The following ROR1 variants were observed in gnomAD, a reference collection of about 807,000 sequenced individuals.
ROR1 encodes the protein inactive tyrosine-protein kinase transmembrane receptor ROR1.
In ROR1, 19 loss-of-function variants were observed where a neutral mutation model predicts 78.8. The ratio of observed to expected loss-of-function variants is 0.24; its 90% CI spans 0.17 to 0.35. ROR1 has a LOEUF of 0.35. Ranked by LOEUF, ROR1 falls within the 10% of genes least tolerant of loss-of-function variation. The pLI is 1.00. For missense variants in ROR1, 917 were observed against 1,177.8 expected (o/e 0.78, Z 3.24); for synonymous variants, 386 against 433.6 (o/e 0.89, Z 1.36).
intron 1 of ROR1, among the ~76,000 whole-genome samples, chr1:63,858,297 T>A (rs1480730160): frequency 1.3e-5 from 2 of 152,220 alleles, no homozygotes; most frequent in African/African-American, 4.8e-5. Flanking sequence ...TCCTGTTGTT[T>A]AAAGACATCT....
At chr1:64,081,757 C>T (rs834348) in intron 4 of ROR1, among the ~76,000 whole-genome samples, 21,732 of 109,630 alleles carry the variant, frequency 0.2, 1,780 homozygotes, top group African/African-American at 0.27. Context: ...GGTGACAGCG[C>T]GAGACACTGT....
At chr1:64,049,614 A>G in intron 2 of ROR1, 77 bp from the exon 3 acceptor site, 1 of 1,296,184 alleles carries the variant, frequency 7.7e-7, no homozygotes, top group Non-Finnish European at 1.1e-6. Context: ...CCAAGGGTAC[A>G]CTGGAGGGGA....
At chr1:64,006,050 T>A (rs1173044659) in intron 1 of ROR1, among the ~76,000 whole-genome samples, 1 of 152,200 alleles carries the variant, frequency 6.6e-6, no homozygotes, top group Non-Finnish European at 1.5e-5. Flanking sequence ...GTGCCAAGAA[T>A]CTATTCATTT....
At chr1:64,008,232 T>C (rs1338781202) in intron 1 of ROR1, among the ~76,000 whole-genome samples, 1 of 152,226 alleles carries the variant, frequency 6.6e-6, no homozygotes, top group East Asian at 1.9e-4. Context: ...TTTCTGCTTC[T>C]CTGTTAATTC....
chr1:63,856,977 T>A (rs961920892), intron 1 of ROR1, among the ~76,000 whole-genome samples: 15 of 152,132 alleles, frequency 9.9e-5, no homozygotes, highest in African/African-American at 3.4e-4. Flanking sequence ...TTTTACCCTC[T>A]CTTTTCTCGT....
Position 63,774,457 on chromosome 1 carries a change from C to T in ROR1, c.40C>T (p.Leu14=). 8.5e-7 allele frequency: 1 copy of T among 1,171,368 alleles called. No homozygotes were observed. The highest frequency in any genetic ancestry group is 1.0e-6 in the Non-Finnish European group (1 of 954,034). 72.6% of individuals were successfully genotyped at this position (1,171,368 alleles called of 1,614,324 possible). ...PRRRGTRPPL[L]ALLAALLLAA... ...CCGCCGCGGGACGCGCCCGCCGCTC[C>T]TGGCGCTGCTGGCCGCGCTGCTGCT... Residue 14 remains leucine (L), a synonymous_variant, in exon 1 of 9, where the codon CTG becomes TTG. Transcript: ENST00000371079. The surrounding 1 kb of genome is among the most constrained non-coding windows in gnomAD (Gnocchi z 5.7).
At position 64,049,810 on chromosome 1, in the gene ROR1, G is replaced by T. The variant is rs1176909800; in HGVS notation, c.283G>T (p.Asp95Tyr). ...TCCCACCATCCGCTGGTTCAAAAAT[G>T]ATGCTCCTGTGGTCCAGGAGCCCCG... ...PPPTIRWFKN[D>Y]APVVQEPRRL... is the part of the protein sequence containing the mutation. The change falls in exon 3 of 9, where the codon GAT (aspartate) becomes TAT (tyrosine). Residue 95 changes from aspartate to tyrosine, a missense_variant. Asp to Tyr is a radical substitution (Grantham distance 160, BLOSUM62 -3). Transcript: ENST00000371079. 1.9e-6 allele frequency: 3 copies of T among 1,614,220 alleles called. No individual in the cohort carries two copies.
intron 2 of ROR1, among the ~76,000 whole-genome samples, chr1:64,010,112 C>T (rs779118136): frequency 6.6e-6 from 1 of 152,134 alleles, no homozygotes; most frequent in Admixed American, 6.5e-5. Flanking sequence ...ATTGCCTTCT[C>T]TTCTTTGCCA....
intron 1 of ROR1, among the ~76,000 whole-genome samples, chr1:63,837,308 A>G (rs1357700859): frequency 6.6e-6 from 1 of 152,114 alleles, no homozygotes. Context: ...AGATTGTGTT[A>G]TGGCTGGTGT....
chr1:64,100,909 A>G (rs1249929761), intron 4 of ROR1, among the ~76,000 whole-genome samples: 5 of 152,224 alleles, frequency 3.3e-5, no homozygotes, highest in African/African-American at 4.8e-5. Context: ...AGATTGCTGC[A>G]TCTCAGGAGA....
chr1:63,995,550 T>C (rs190408163), intron 1 of ROR1, among the ~76,000 whole-genome samples: 11 of 152,210 alleles, frequency 7.2e-5, no homozygotes, highest in Non-Finnish European at 2.9e-5. Flanking sequence ...ACAAGGATTT[T>C]TGAAATCTGG....
Position 63,774,385 on chromosome 1 carries a change from G to T in ROR1, c.-33G>T. The T allele has an allele frequency of 8.6e-7, 1 of 1,166,750 alleles. No homozygotes were observed. Among genetic ancestry groups the T allele is most frequent in the South Asian group, 2.2e-5 (1 of 45,772 alleles). The allele number at this position is 1,166,750 out of a possible 1,614,324, so 72.3% of individuals were successfully genotyped here. A position where few individuals can be genotyped will look rare whatever the true frequency, so the allele number is the denominator to read the frequency against. Reference sequence around the variant, plus strand: ...TGGATGTTCTGCGCGCGGCCTGGGAGCCGCCGCCGCCGCCGCCTCAGCGAG... The same window carrying T: ...TGGATGTTCTGCGCGCGGCCTGGGATCCGCCGCCGCCGCCGCCTCAGCGAG... On this transcript the variant is annotated 5_prime_UTR_variant, in exon 1 of 9. Coordinates refer to ENST00000371079, the MANE Select transcript of ROR1 (RefSeq NM_005012.4). The surrounding 1 kb of genome is among the most constrained non-coding windows in gnomAD (Gnocchi z 5.7).
intron 4 of ROR1, among the ~76,000 whole-genome samples, chr1:64,107,418 A>G (rs371973506): frequency 6.6e-6 from 1 of 152,178 alleles, no homozygotes; most frequent in Non-Finnish European, 1.5e-5. Flanking sequence ...TAGGTGATTA[A>G]AAAGCTTTAT....
chr1:63,897,538 G>T (rs530726141), intron 1 of ROR1, among the ~76,000 whole-genome samples: 47 of 152,260 alleles, frequency 3.1e-4, no homozygotes, highest in African/African-American at 1.1e-3. Context: ...TTGTTTCTCG[G>T]TTCCTTCTTT....
rs570696705 is a variant in ROR1 at position 63,921,910 on chromosome 1, A to G, written c.92-87395A>G. 2.0e-4 allele frequency among the ~76,000 whole-genome samples: 30 copies of G among 152,308 alleles called. 1 individual carries two copies. The South Asian group carries it at 5.8e-3, about 29-fold the overall frequency. On this transcript the variant is annotated intron_variant, in intron 1 of 8. Coordinates refer to ENST00000371079, the MANE Select transcript of ROR1 (RefSeq NM_005012.4). The stretch of plus-strand genomic sequence containing the variant: ...AGAAACACTGCAAATGTGCATTTTT[A>G]TAATTAAAAAATATAGAGTCTGTCT...
chr1:63,786,256 A>ATTTT lies in ROR1; in HGVS notation c.91+11779_91+11782dup, dbSNP rs34933492. Among the ~76,000 whole-genome samples, 402 of 67,478 alleles carry ATTTT rather than the reference A, an allele frequency of 6.0e-3. 59 individuals carry two copies. Among genetic ancestry groups the ATTTT allele is most frequent in the Non-Finnish European group, 8.8e-3 (312 of 35,300 alleles). 44.3% of individuals were successfully genotyped at this position (67,478 alleles called of 152,430 possible). A position where few individuals can be genotyped will look rare whatever the true frequency, so the allele number is the denominator to read the frequency against. On this transcript the variant is annotated intron_variant, in intron 1 of 8. Coordinates refer to ENST00000371079, the MANE Select transcript of ROR1 (RefSeq NM_005012.4). ...CCCCCCTTACGCTGGCTACAACTTG[A>ATTTT]TTTTTTTTTTTTTTTTTTTTTTTTT...
intron 1 of ROR1, among the ~76,000 whole-genome samples, chr1:63,881,171 C>T (rs1273465564): frequency 6.6e-6 from 1 of 152,104 alleles, no homozygotes; most frequent in Non-Finnish European, 1.5e-5. Context: ...TGGGCTCATC[C>T]CAGGGGCTAT....
intron 1 of ROR1, among the ~76,000 whole-genome samples, chr1:63,892,848 A>G (rs1645408924): frequency 6.6e-6 from 1 of 152,170 alleles, no homozygotes; most frequent in Non-Finnish European, 1.5e-5. Flanking sequence ...GGGAAGGGCA[A>G]TAGGGGTGAC....
rs1278829990 is a variant in ROR1, at chr1:64,142,657, A to G, written c.1174+7A>G. 1.2e-6 allele frequency: 2 copies of G among 1,613,898 alleles called. No individual in the cohort carries two copies. Among genetic ancestry groups the G allele is most frequent in the East Asian group, 2.2e-5 (1 of 44,882 alleles). Reference sequence around the variant, plus strand: ...TGTGACATCCCAGCGTGCGGTAAATAGAAGTCATTGCCCCTAATGTATTCA... The same window carrying G: ...TGTGACATCCCAGCGTGCGGTAAATGGAAGTCATTGCCCCTAATGTATTCA... On this transcript the variant is annotated splice_region_variant and intron_variant, in intron 7 of 8. Transcript: ENST00000371079.
Sources: allele counts gnomAD v4.1 joint callset (sites outside exome capture counted in the v4.1 genomes callset), GRCh38; gene constraint gnomAD v4.1.1; non-coding constraint Gnocchi (gnomAD v3.1); transcripts MANE v1.5; gene names NCBI Gene and HGNC (gene_info 2026-07-23, HGNC 2026-07-21).